Variants in RBFOX3 observed in about 807,000 individuals in gnomAD.
RBFOX3 encodes RNA binding protein fox-1 homolog 3.
Under a neutral mutation model 48.7 loss-of-function variants are expected in RBFOX3, and 17 were observed. That is an observed-to-expected ratio of 0.35 (90% CI 0.24 to 0.52). RBFOX3 has a LOEUF of 0.52. Ranked by LOEUF, RBFOX3 falls within the 20% of genes least tolerant of loss-of-function variation. The pLI, the probability that RBFOX3 is intolerant of heterozygous loss-of-function variation, is 0.94. For missense variants in RBFOX3, 382 were observed against 497.5 expected (o/e 0.77, Z 2.21); for synonymous variants, 212 against 209.5 (o/e 1.01, Z -0.10).
chr17:79,465,171 C>G (rs1264022671), intron 2 of RBFOX3, among the ~76,000 whole-genome samples: 1 of 152,340 alleles, frequency 6.6e-6, no homozygotes, highest in East Asian at 1.9e-4. Context: ...GCACCACGAC[C>G]TTGGCTTCCC....
At chr17:79,438,699 C>A (rs782703016) in intron 2 of RBFOX3, among the ~76,000 whole-genome samples, 5 of 152,234 alleles carry the variant, frequency 3.3e-5, no homozygotes, top group African/African-American at 9.6e-5. Flanking sequence ...TGCCTACAAT[C>A]GGACTAGGTC....
intron 4 of RBFOX3, among the ~76,000 whole-genome samples, chr17:79,194,183 G>A (rs1420250078): frequency 1.3e-5 from 2 of 152,200 alleles, no homozygotes; most frequent in African/African-American, 4.8e-5. Flanking sequence ...TGCTGTGGTA[G>A]AAATGGACTT....
At chr17:79,379,726 G>A (rs1035788923) in intron 2 of RBFOX3, among the ~76,000 whole-genome samples, 2 of 152,058 alleles carry the variant, frequency 1.3e-5, no homozygotes, top group Non-Finnish European at 2.9e-5. Flanking sequence ...ACTCATCTGC[G>A]CCCCCGAAGA....
chr17:79,263,201 G>GAACA (rs2066094371), intron 3 of RBFOX3, among the ~76,000 whole-genome samples: 1 of 152,250 alleles, frequency 6.6e-6, no homozygotes, highest in African/African-American at 2.4e-5. Flanking sequence ...CCTTTGGAGG[G>GAACA]CTCAGGCTCT....
At chr17:79,409,484 C>T (rs2063986393) in intron 2 of RBFOX3, among the ~76,000 whole-genome samples, 1 of 152,216 alleles carries the variant, frequency 6.6e-6, no homozygotes, top group Non-Finnish European at 1.5e-5. Flanking sequence ...TCCAATGTTT[C>T]CACATCCTCA....
chr17:79,582,874 A>T (rs1481650281), intron 1 of RBFOX3, among the ~76,000 whole-genome samples: 1 of 144,966 alleles, frequency 6.9e-6, no homozygotes, highest in Admixed American at 7.0e-5. Flanking sequence ...TGCCCATGGG[A>T]TGTGTTTAGA....
At chr17:79,157,900 GCTAGACGGCCCTGGGGAGCTGC>G (rs2046175136) in intron 4 of RBFOX3, among the ~76,000 whole-genome samples, 1 of 152,238 alleles carries the variant, frequency 6.6e-6, no homozygotes, top group Non-Finnish European at 1.5e-5. Context: ...CTAGGATGGG[GCTAGACGGCCCTGGGGAGCTGC>G]CTCTGCTGCT....
At chr17:79,422,383 C>G (rs1465791638) in intron 2 of RBFOX3, among the ~76,000 whole-genome samples, 1 of 151,810 alleles carries the variant, frequency 6.6e-6, no homozygotes, top group African/African-American at 2.4e-5. Flanking sequence ...CACAGCACCC[C>G]CACTGCCTCC....
intron 3 of RBFOX3, among the ~76,000 whole-genome samples, chr17:79,296,522 G>A (rs1282029288): frequency 1.3e-5 from 2 of 152,148 alleles, no homozygotes; most frequent in East Asian, 1.9e-4. Flanking sequence ...CCCCTGACTG[G>A]AGGAGGGTAG....
chr17:79,487,967 G>A (rs2079902224), intron 1 of RBFOX3, among the ~76,000 whole-genome samples: 1 of 138,148 alleles, frequency 7.2e-6, no homozygotes, highest in Non-Finnish European at 1.6e-5. Context: ...ATGGGATCAA[G>A]AAGTTGTCAC....
chr17:79,568,893 C>T (rs1421649637), intron 1 of RBFOX3, among the ~76,000 whole-genome samples: 2 of 152,056 alleles, frequency 1.3e-5, no homozygotes, highest in Non-Finnish European at 2.9e-5. Flanking sequence ...CCCCTGCCGC[C>T]CCACCTCCCA....
rs1436395609 is a variant in RBFOX3, at chr17:79,443,238, C to T, written c.-175+39216G>A. On this transcript the variant is annotated intron_variant, in intron 2 of 14. Coordinates refer to ENST00000693108, the MANE Select transcript of RBFOX3 (RefSeq NM_001350451.2). This position sits in a 1 kb window ranked among gnomAD's most constrained non-coding sequence, Gnocchi z 4.4. ...TGGGTGCTGCCAAGTCCCCTCTGCC[C>T]CAACAAGCTGCTAGGTGTGTGTCAC... Among the ~76,000 whole-genome samples the T allele has an allele frequency of 6.6e-6, 1 of 152,240 alleles. No individual in the cohort carries two copies.
At chr17:79,433,872 G>A (rs760555527) in intron 2 of RBFOX3, among the ~76,000 whole-genome samples, 4 of 152,158 alleles carry the variant, frequency 2.6e-5, no homozygotes, top group Non-Finnish European at 4.4e-5. Context: ...AAGTTTCATC[G>A]GTCAATCAGT....
chr17:79,115,730 C>A lies in RBFOX3; in HGVS notation c.-15G>T, dbSNP rs1313730152. 1.3e-6 allele frequency: 1 copy of A among 770,322 alleles called. No homozygotes were observed. The allele number at this position is 770,322 out of a possible 1,614,324, so 47.7% of individuals were successfully genotyped here. A position where few individuals can be genotyped will look rare whatever the true frequency, so the allele number is the denominator to read the frequency against. Reference sequence around the variant, plus strand: ...GGCTGGGCCATCGCTTCAGGCGGAGCCGTGGCGTCCTGATCGCTCTGTGGA... The same window carrying A: ...GGCTGGGCCATCGCTTCAGGCGGAGACGTGGCGTCCTGATCGCTCTGTGGA... On this transcript the variant is annotated 5_prime_UTR_variant, in exon 5 of 15. Transcript: ENST00000693108.
At chr17:79,579,028 C>T in intron 1 of RBFOX3, among the ~76,000 whole-genome samples, 1 of 152,360 alleles carries the variant, frequency 6.6e-6, no homozygotes, top group Middle Eastern at 3.4e-3. Flanking sequence ...GAGCATCGTG[C>T]TTGGTCCATC....
chr17:79,459,073 C>T (rs1473836249), intron 2 of RBFOX3, among the ~76,000 whole-genome samples: 7 of 152,202 alleles, frequency 4.6e-5, no homozygotes, highest in African/African-American at 7.2e-5. Flanking sequence ...CAGACCTGAC[C>T]AGCTCTGCAG....
At chr17:79,340,352 G>T (rs984921202) in intron 2 of RBFOX3, among the ~76,000 whole-genome samples, 24 of 151,336 alleles carry the variant, frequency 1.6e-4, no homozygotes, top group Non-Finnish European at 3.4e-4. Context: ...TAGAATCTAT[G>T]TTGGGAGCCA....
At chr17:79,468,174 G>A (rs113198985) in intron 2 of RBFOX3, among the ~76,000 whole-genome samples, 2,635 of 152,242 alleles carry the variant, frequency 0.017, 92 homozygotes, top group African/African-American at 0.06. Flanking sequence ...AAGACCAAAG[G>A]AGGATGAAGT....
intron 3 of RBFOX3, among the ~76,000 whole-genome samples, chr17:79,293,467 C>CCTTT (rs1378057261): frequency 8.9e-6 from 1 of 112,140 alleles, no homozygotes; most frequent in African/African-American, 3.8e-5. Flanking sequence ...TTCCTTCCTT[C>CCTTT]CCTTCCTTCC....
Sources: gnomAD v4.1 joint callset for allele counts (sites outside exome capture counted in the v4.1 genomes callset) on GRCh38, gnomAD v4.1.1 for gene constraint, Gnocchi (gnomAD v3.1) non-coding constraint, MANE v1.5 for transcripts, NCBI Gene and HGNC (gene_info 2026-07-23, HGNC 2026-07-21) for gene names.